BTD: variants seen among roughly 807,000 people sequenced by gnomAD.
BTD encodes biocytinase.
BTD carries 13 observed loss-of-function variants against 17.7 expected under a neutral mutation model. The ratio of observed to expected loss-of-function variants is 0.74; its 90% CI spans 0.48 to 1.17. BTD has a LOEUF of 1.17. BTD is among the 50% of genes most tolerant of loss of function. The pLI is 0.00. For missense variants in BTD, 674 were observed against 650.4 expected (o/e 1.04, Z -0.39); for synonymous variants, 240 against 245.2 (o/e 0.98, Z 0.20).
rs397514370 is a variant in BTD, at chr3:15,644,439, A to G, written c.523A>G (p.Asn175Asp). The change falls in exon 4 of 4, where the codon AAC becomes GAC. Residue 175 changes from asparagine (N) to aspartate (D), a missense_variant. Asn to Asp is a conservative substitution (Grantham distance 23). Transcript: ENST00000643237. ...CCCAAAAGATGGGAGATACCAGTTC[A>G]ACACAAATGTCGTGTTCAGCAATAA... is the stretch of plus-strand genomic sequence containing the variant. ...RCPKDGRYQF[N>D]TNVVFSNNGT... is the part of the protein sequence containing the mutation. The G allele has an allele frequency of 6.2e-7, 1 of 1,614,050 alleles. No homozygotes were observed. Among genetic ancestry groups the G allele is most frequent in the African/African-American group, 1.3e-5 (1 of 74,912 alleles).
At chr3:15,680,572 C>A (rs984714735) in intron 3 of BTD, among the ~76,000 whole-genome samples, 1 of 152,074 alleles carries the variant, frequency 6.6e-6, no homozygotes, top group African/African-American at 2.4e-5. Context: ...ATTATTTAAT[C>A]TAATTATGGA....
intron 3 of BTD, among the ~76,000 whole-genome samples, chr3:15,701,275 GC>G (rs2070561795): frequency 6.6e-6 from 1 of 152,270 alleles, no homozygotes; most frequent in Admixed American, 6.5e-5. Context: ...TTCAATGGCA[GC>G]AAATATTCAT....
At position 15,695,178 on chromosome 3, in the gene BTD, T is replaced by G. The variant is rs199914318; in HGVS notation, c.400-14882T>G. On this transcript the variant is annotated intron_variant, in intron 3 of 3. Coordinates refer to the BTD transcript ENST00000672141. ...TACTAATTGGTGGGAGGGAATTGAC[T>G]AATACTTACAACATCTAGAGGAGTT... 5 of 1,591,710 alleles carry G rather than the reference T, an allele frequency of 3.1e-6. No homozygotes were observed. In the East Asian group the frequency reaches 9.0e-5, roughly 29 times the overall value.
chr3:15,621,450 A>T (rs952074748), intron 1 of BTD, among the ~76,000 whole-genome samples: 2 of 152,232 alleles, frequency 1.3e-5, no homozygotes, highest in Non-Finnish European at 2.9e-5. Context: ...AGAATTCACC[A>T]ATGAACCCAC....
chr3:15,712,366 T>C (rs1021783610), exon 4 of BTD: 9 of 696,716 alleles, frequency 1.3e-5, no homozygotes, highest in South Asian at 1.9e-5. Flanking sequence ...TGGTTAAAGT[T>C]TGATGGTGGG....
chr3:15,702,376 CT>C, intron 3 of BTD, among the ~76,000 whole-genome samples: 1 of 152,140 alleles, frequency 6.6e-6, no homozygotes. Flanking sequence ...TCTGTATACT[CT>C]TTTTTCTGTT....
At chr3:15,644,095 G>A (rs1559598701) in intron 3 of BTD, among the ~76,000 whole-genome samples, 2 of 151,776 alleles carry the variant, frequency 1.3e-5, no homozygotes, top group Admixed American at 6.6e-5. Flanking sequence ...CCGCCTACTG[G>A]GTTCACGCCA....
At chr3:15,666,027 C>A (rs1394788670) in intron 3 of BTD, among the ~76,000 whole-genome samples, 1 of 152,138 alleles carries the variant, frequency 6.6e-6, no homozygotes, top group Non-Finnish European at 1.5e-5. Context: ...GTGGCAACAG[C>A]AACTGAAATG....
rs377656920 is a variant in BTD at position 15,672,984 on chromosome 3, G to A, written c.399+30927G>A. ...AGAGACGGGGTTTTGCCATGTTGGCGGGGCTGGTCTCGAACTCCTGACCTC... is the reference window on the plus strand; with the variant it reads ...AGAGACGGGGTTTTGCCATGTTGGCAGGGCTGGTCTCGAACTCCTGACCTC... On this transcript the variant is annotated intron_variant, in intron 3 of 3. Coordinates refer to the BTD transcript ENST00000672141. Among the ~76,000 whole-genome samples the A allele has an allele frequency of 2.8e-3, 418 of 151,630 alleles. 1 individual carries two copies. The highest frequency in any genetic ancestry group is 9.8e-3 in the African/African-American group (404 of 41,306).
intron 1 of BTD, among the ~76,000 whole-genome samples, chr3:15,618,981 G>C (rs1055799709): frequency 6.6e-6 from 1 of 152,012 alleles, no homozygotes; most frequent in African/African-American, 2.4e-5. Flanking sequence ...TTTCTACATC[G>C]ATGACAATTT....
At chr3:15,611,758 A>G (rs1304080761) in intron 1 of BTD, among the ~76,000 whole-genome samples, 2 of 151,568 alleles carry the variant, frequency 1.3e-5, no homozygotes, top group Non-Finnish European at 2.9e-5. Flanking sequence ...AACCTGGGTG[A>G]TGGCGTGAGA....
intron 3 of BTD, among the ~76,000 whole-genome samples, chr3:15,702,658 C>G (rs1216548478): frequency 2.6e-5 from 4 of 152,074 alleles, no homozygotes; most frequent in African/African-American, 9.7e-5. Flanking sequence ...ATTTTGAGTT[C>G]TGAGGCAAGT....
chr3:15,673,192 T>C (rs547984642), intron 3 of BTD, among the ~76,000 whole-genome samples: 93 of 152,390 alleles, frequency 6.1e-4, no homozygotes, highest in South Asian at 2.5e-3. Flanking sequence ...TCTCTGATCC[T>C]GCAAGAAAGG....
intron 1 of BTD, among the ~76,000 whole-genome samples, chr3:15,614,486 T>C (rs2064733887): frequency 6.6e-6 from 1 of 152,254 alleles, no homozygotes; most frequent in African/African-American, 2.4e-5. Context: ...TGTCTCATCT[T>C]CTTTTTTTCC....
chr3:15,686,414 C>T (rs1385314758), intron 3 of BTD: 3 of 898,252 alleles, frequency 3.3e-6, no homozygotes, highest in Non-Finnish European at 5.1e-6. Flanking sequence ...GATAGTTGCA[C>T]TGAATTTAAT....
At chr3:15,679,551 CAT>C (rs1187734816) in intron 3 of BTD, 5 of 1,611,636 alleles carry the variant, frequency 3.1e-6, no homozygotes, top group South Asian at 1.1e-5. Flanking sequence ...CAGTTCTACA[CAT>C]GTCTCGTGAC....
rs2065745790 is a variant in BTD, at chr3:15,648,592, T to G, written c.*3104T>G. On this transcript the variant is annotated 3_prime_UTR_variant, in exon 4 of 4. Transcript: ENST00000643237. The stretch of plus-strand genomic sequence containing the variant: ...GTCAAGATGTCAGCCGAGGTGACAG[T>G]GAAGATATCAACCAAGGCTGCAGCC... Among the ~76,000 whole-genome samples, 1 of 152,144 alleles carries G rather than the reference T, an allele frequency of 6.6e-6. No homozygotes were observed. Among genetic ancestry groups the G allele is most frequent in the Non-Finnish European group, 1.5e-5 (1 of 68,020 alleles).
Position 15,641,889 on chromosome 3 carries a change from T to G in BTD, c.250-19T>G. On this transcript the variant is annotated intron_variant, in intron 2 of 3. Coordinates refer to ENST00000643237, the MANE Select transcript of BTD (RefSeq NM_001370658.1). ...CTGCCATCTGATAACAGACTATTCT[T>G]TGATGTTTTCATTTTCAGGATGTAC... 6.4e-7 allele frequency: 1 copy of G among 1,553,548 alleles called. No individual in the cohort carries two copies. Among genetic ancestry groups the G allele is most frequent in the Non-Finnish European group, 8.9e-7 (1 of 1,127,352 alleles).
At chr3:15,610,684 G>A (rs965349964) in intron 1 of BTD, among the ~76,000 whole-genome samples, 1 of 152,138 alleles carries the variant, frequency 6.6e-6, no homozygotes, top group Non-Finnish European at 1.5e-5. Flanking sequence ...AATAAGTCTT[G>A]ATGTTGGTAG....
Sources: gnomAD v4.1 joint callset for allele counts (sites outside exome capture counted in the v4.1 genomes callset) on GRCh38, gnomAD v4.1.1 for gene constraint, MANE v1.5 for transcripts, NCBI Gene and HGNC (gene_info 2026-07-23, HGNC 2026-07-21) for gene names.